Variants in PRKG1 observed in about 807,000 individuals in gnomAD.
PRKG1 encodes the protein cGMP-dependent protein kinase 1.
A neutral mutation model predicts 88.1 loss-of-function variants in PRKG1; 35 were observed. That is an observed-to-expected ratio of 0.40 (90% CI 0.30 to 0.53). PRKG1 has a LOEUF of 0.53. Among genes scored for constraint, PRKG1 ranks in the 20% least tolerant of loss-of-function variants. The pLI is 0.59. For missense variants in PRKG1, 540 were observed against 839.8 expected, an observed-to-expected ratio of 0.64 and a Z score of 4.41; for synonymous variants, 303 against 292.5, an observed-to-expected ratio of 1.04 and a Z score of -0.37.
chr10:51,191,792 A>G (rs1837638109), intron 2 of PRKG1, among the ~76,000 whole-genome samples: 2 of 151,862 alleles, frequency 1.3e-5, no homozygotes, highest in Admixed American at 1.3e-4. Context: ...CCTTAACTCA[A>G]TCTTATAAAG....
intron 3 of PRKG1, among the ~76,000 whole-genome samples, chr10:51,667,313 T>C (rs757166900): frequency 5.9e-5 from 9 of 152,186 alleles, no homozygotes; most frequent in Non-Finnish European, 1.2e-4. Context: ...TTGTCTAGTA[T>C]ATAGTTCCTT....
intron 17 of PRKG1, among the ~76,000 whole-genome samples, chr10:52,293,523 T>A (rs1436158765): frequency 6.6e-6 from 1 of 152,150 alleles, no homozygotes; most frequent in East Asian, 1.9e-4. Flanking sequence ...TTTCATGGCA[T>A]CTTTGTTTCC....
chr10:51,587,755 TG>T, intron 3 of PRKG1, among the ~76,000 whole-genome samples: 1 of 152,296 alleles, frequency 6.6e-6, no homozygotes, highest in Non-Finnish European at 1.5e-5. Flanking sequence ...CCAGAAACTT[TG>T]GATTTGACCT....
At chr10:51,864,435 A>G (rs139448077) in intron 4 of PRKG1, among the ~76,000 whole-genome samples, 80 of 152,358 alleles carry the variant, frequency 5.3e-4, no homozygotes, top group Middle Eastern at 3.4e-3. Flanking sequence ...GTATTGAGTT[A>G]GATAGTACCC....
At chr10:51,238,095 A>G (rs911909905) in intron 2 of PRKG1, among the ~76,000 whole-genome samples, 1 of 152,230 alleles carries the variant, frequency 6.6e-6, no homozygotes, top group Admixed American at 6.5e-5. Context: ...ATACTGGAAA[A>G]TAAGAATTGT....
intron 5 of PRKG1, among the ~76,000 whole-genome samples, chr10:52,027,883 G>T (rs1263449403): frequency 6.6e-6 from 1 of 152,054 alleles, no homozygotes; most frequent in East Asian, 1.9e-4. Context: ...CCACCTCCTG[G>T]ATTCAAGTGA....
chr10:51,016,669 CTTTCTTTTT>C (rs1843066422), intron 1 of PRKG1, among the ~76,000 whole-genome samples: 1 of 22,768 alleles, frequency 4.4e-5, no homozygotes, highest in Non-Finnish European at 8.3e-5. Flanking sequence ...TATTATTATC[CTTTCTTTTT>C]TTTTTTTTTT....
intron 2 of PRKG1, among the ~76,000 whole-genome samples, chr10:51,357,339 A>C (rs1842387623): frequency 6.6e-6 from 1 of 151,960 alleles, no homozygotes; most frequent in South Asian, 2.1e-4. Context: ...AGATTGCTTA[A>C]CTTCCCTGAG....
intron 2 of PRKG1, among the ~76,000 whole-genome samples, chr10:51,246,795 T>C (rs1167918746): frequency 2.0e-5 from 3 of 151,932 alleles, no homozygotes; most frequent in Non-Finnish European, 4.4e-5. Context: ...CTGTGGCGAA[T>C]TGGAGAGCTC....
chr10:50,996,915 A>C (rs1158906537), intron 1 of PRKG1, among the ~76,000 whole-genome samples: 1 of 152,206 alleles, frequency 6.6e-6, no homozygotes, highest in Admixed American at 6.5e-5. Flanking sequence ...TATTTCTGAC[A>C]AGATTTTAAG....
chr10:51,759,278 T>G (rs542409650), intron 3 of PRKG1, among the ~76,000 whole-genome samples: 1 of 152,230 alleles, frequency 6.6e-6, no homozygotes, highest in South Asian at 2.1e-4. Context: ...TTCTTTTGTT[T>G]TTTTTTGAGA....
At chr10:51,767,362 G>A (rs946692824) in intron 3 of PRKG1, among the ~76,000 whole-genome samples, 2 of 152,060 alleles carry the variant, frequency 1.3e-5, no homozygotes, top group African/African-American at 2.4e-5. Flanking sequence ...TATAAATGGT[G>A]GAAAAGTGAC....
chr10:51,952,643 T>C (rs767990792), intron 5 of PRKG1, among the ~76,000 whole-genome samples: 11 of 152,154 alleles, frequency 7.2e-5, no homozygotes, highest in South Asian at 6.2e-4. Flanking sequence ...TTAGCAGTAG[T>C]TTTTAATTAG....
chr10:51,036,551 A>T (rs1042366591), intron 1 of PRKG1, among the ~76,000 whole-genome samples: 1 of 151,618 alleles, frequency 6.6e-6, no homozygotes, highest in Non-Finnish European at 1.5e-5. Flanking sequence ...GGGAGTGAAA[A>T]TTTTTCAAAT....
At chr10:51,239,299 A>G (rs1353825514) in intron 2 of PRKG1, among the ~76,000 whole-genome samples, 5 of 152,214 alleles carry the variant, frequency 3.3e-5, no homozygotes, top group African/African-American at 1.2e-4. Context: ...AGATTTCACG[A>G]TATTATTTTT....
intron 3 of PRKG1, among the ~76,000 whole-genome samples, chr10:51,727,890 A>G (rs1842174368): frequency 6.6e-6 from 1 of 152,194 alleles, no homozygotes; most frequent in South Asian, 2.1e-4. Context: ...ACTTAATTCA[A>G]ATGAAGACCG....
At chr10:51,745,237 G>GT (rs369710236) in intron 3 of PRKG1, among the ~76,000 whole-genome samples, 14 of 151,372 alleles carry the variant, frequency 9.2e-5, no homozygotes, top group Middle Eastern at 3.4e-3. Flanking sequence ...ATTGGGAAAA[G>GT]TTTTTTTTTA....
chr10:52,203,001 C>T (rs1345499429), intron 9 of PRKG1, among the ~76,000 whole-genome samples: 1 of 151,886 alleles, frequency 6.6e-6, no homozygotes, highest in African/African-American at 2.4e-5. Context: ...TGGTTTTTCA[C>T]ATCTCAGTTT....
At position 52,117,791 on chromosome 10, in the gene PRKG1, A is replaced by G. The variant is rs146859993; in HGVS notation, c.936-16049A>G. On this transcript the variant is annotated intron_variant, in intron 7 of 17. Transcript: ENST00000373980. ...TTTCTAATGCATGCAGAAAAATACC[A>G]TGCATTTTGTGTGTGTGTGCATATG... Among the ~76,000 whole-genome samples the G allele has an allele frequency of 3.6e-3, 541 of 152,030 alleles. 5 individuals are homozygous for G. The highest frequency in any genetic ancestry group is 0.012 in the African/African-American group (493 of 41,498).
Sources: gnomAD v4.1 joint callset for allele counts (sites outside exome capture counted in the v4.1 genomes callset) on GRCh38, gnomAD v4.1.1 for gene constraint, MANE v1.5 for transcripts, NCBI Gene and HGNC (gene_info 2026-07-23, HGNC 2026-07-21) for gene names.